Variants in METTL16 observed in about 807,000 individuals in gnomAD.
METTL16 encodes the protein RNA N(6)-adenosine-methyltransferase METTL16.
A neutral mutation model predicts 57.9 loss-of-function variants in METTL16; 19 were observed. That is an observed-to-expected ratio of 0.33 (90% CI 0.23 to 0.48). The LOEUF (loss-of-function observed/expected upper bound fraction) is 0.48. METTL16 is among the 20% of genes least tolerant of loss of function. The pLI is 0.99. For synonymous variants in METTL16, 246 were observed against 255.6 expected, an observed-to-expected ratio of 0.96 and a Z score of 0.36; for missense variants, 434 against 691.5, an observed-to-expected ratio of 0.63 and a Z score of 4.18.
At chr17:2,456,540 T>C (rs1004245172) in intron 6 of METTL16, among the ~76,000 whole-genome samples, 3 of 152,192 alleles carry the variant, frequency 2.0e-5, no homozygotes, top group African/African-American at 7.2e-5. Flanking sequence ...AATGGTGTGA[T>C]CATGGCTCAC....
At chr17:2,491,302 T>C (rs1387938524) in intron 2 of METTL16, among the ~76,000 whole-genome samples, 1 of 152,228 alleles carries the variant, frequency 6.6e-6, no homozygotes, top group Non-Finnish European at 1.5e-5. Flanking sequence ...AACAGGCTCA[T>C]GGCCGATTTC....
At chr17:2,473,304 G>C (rs1284887692) in intron 4 of METTL16, among the ~76,000 whole-genome samples, 1 of 152,096 alleles carries the variant, frequency 6.6e-6, no homozygotes, top group East Asian at 1.9e-4. Context: ...TAGGCAAATA[G>C]GCAAATTCAC....
chr17:2,509,749 C>T (rs932176108), intron 1 of METTL16, among the ~76,000 whole-genome samples: 1 of 152,050 alleles, frequency 6.6e-6, no homozygotes, highest in East Asian at 1.9e-4. Context: ...CCTATCTCTA[C>T]TAAAAATACA....
intron 6 of METTL16, among the ~76,000 whole-genome samples, chr17:2,458,558 A>G (rs1346317900): frequency 6.6e-6 from 1 of 152,084 alleles, no homozygotes; most frequent in Non-Finnish European, 1.5e-5. Flanking sequence ...ATAAAAATAC[A>G]AAAATCAGCT....
intron 7 of METTL16, among the ~76,000 whole-genome samples, chr17:2,440,994 A>AAAAAAAAAAAAAAG (rs1555616313): frequency 3.4e-5 from 4 of 118,892 alleles, no homozygotes; most frequent in African/African-American, 9.3e-5. Flanking sequence ...AAAAAAAAAA[A>AAAAAAAAAAAAAAG]AAGAAGAAGA....
chr17:2,509,669 C>T lies in METTL16; in HGVS notation c.-1+2090G>A, dbSNP rs529578395. The stretch of plus-strand genomic sequence containing the variant: ...CTTTCGGAGGCCAAGACTGGAGGAT[C>T]ACCTGAGGTCAGGAGTTTGTGAGAC... On this transcript the variant is annotated intron_variant, in intron 1 of 9. Coordinates refer to ENST00000263092, the MANE Select transcript of METTL16 (RefSeq NM_024086.4). 5.4e-4 allele frequency among the ~76,000 whole-genome samples: 83 copies of T among 152,310 alleles called. 1 individual carries two copies. Among genetic ancestry groups the T allele is most frequent in the African/African-American group, 1.8e-3 (76 of 41,560 alleles).
At chr17:2,493,620 G>A (rs553573821) in intron 2 of METTL16, among the ~76,000 whole-genome samples, 11 of 151,508 alleles carry the variant, frequency 7.3e-5, no homozygotes, top group African/African-American at 2.2e-4. Flanking sequence ...TCAGGAGACT[G>A]AGGCACATGA....
intron 1 of METTL16, among the ~76,000 whole-genome samples, chr17:2,505,412 T>C (rs1207985007): frequency 7.7e-6 from 1 of 129,520 alleles, no homozygotes; most frequent in African/African-American, 3.4e-5. Flanking sequence ...TTTTTTTTTT[T>C]TTTTTTTTTT....
At chr17:2,461,378 A>G (rs1465790896) in intron 6 of METTL16, among the ~76,000 whole-genome samples, 1 of 151,966 alleles carries the variant, frequency 6.6e-6, no homozygotes, top group Non-Finnish European at 1.5e-5. Flanking sequence ...AAAACAAAAA[A>G]CAAACAAACA....
At chr17:2,446,197 T>A (rs2066994031) in intron 6 of METTL16, among the ~76,000 whole-genome samples, 2 of 152,106 alleles carry the variant, frequency 1.3e-5, no homozygotes, top group African/African-American at 4.8e-5. Context: ...GCCAACATCA[T>A]CATGGTCAAA....
chr17:2,428,461 G>A (rs890061918), intron 8 of METTL16, among the ~76,000 whole-genome samples: 1 of 142,438 alleles, frequency 7.0e-6, no homozygotes, highest in Non-Finnish European at 1.5e-5. Flanking sequence ...CCGGGAGGCA[G>A]AGCTTGCAGT....
intron 1 of METTL16, among the ~76,000 whole-genome samples, chr17:2,504,370 TTTATG>T (rs1177793011): frequency 2.6e-5 from 4 of 152,142 alleles, no homozygotes; most frequent in African/African-American, 9.7e-5. Context: ...AATGGTAAAT[TTTATG>T]TTATGTATAT....
At position 2,477,636 on chromosome 17, in the gene METTL16, G is replaced by A. The variant is rs893703329; in HGVS notation, c.328+50C>T. ...AAAAGTTTACAAAGAATTTGATCTC[G>A]CAAAACTTATGAAAACTGTTTAGCC... is the stretch of plus-strand genomic sequence containing the variant. On this transcript the variant is annotated intron_variant, in intron 3 of 9. Transcript: ENST00000263092. The A allele has an allele frequency of 9.3e-6, 13 of 1,402,658 alleles. No individual in the cohort carries two copies. The African/African-American group carries it at 1.0e-4, about 11-fold the overall frequency. The allele number at this position is 1,402,658 out of a possible 1,614,324, so 86.9% of individuals were successfully genotyped here.
intron 2 of METTL16, among the ~76,000 whole-genome samples, chr17:2,487,415 G>A (rs566427328): frequency 2.1e-4 from 32 of 152,296 alleles, no homozygotes; most frequent in East Asian, 1.3e-3. Context: ...AGAGAGCTGC[G>A]GCGCAAGCTT....
At chr17:2,508,915 G>A (rs2067567061) in intron 1 of METTL16, among the ~76,000 whole-genome samples, 2 of 152,012 alleles carry the variant, frequency 1.3e-5, no homozygotes, top group South Asian at 4.1e-4. Context: ...CTGCATGGTA[G>A]TCTGTCTCAC....
chr17:2,429,874 G>T (rs1230258698), intron 8 of METTL16, among the ~76,000 whole-genome samples: 1 of 146,876 alleles, frequency 6.8e-6, no homozygotes, highest in Non-Finnish European at 1.5e-5. Flanking sequence ...GCAGTGGCAC[G>T]ATCTCAGCTC....
At chr17:2,454,032 A>C (rs773693872) in intron 6 of METTL16, among the ~76,000 whole-genome samples, 1 of 152,046 alleles carries the variant, frequency 6.6e-6, no homozygotes, top group African/African-American at 2.4e-5. Context: ...ATAAGTCATT[A>C]TTGTCATTAT....
intron 2 of METTL16, among the ~76,000 whole-genome samples, chr17:2,494,361 T>C (rs1169072032): frequency 2.0e-5 from 3 of 152,132 alleles, no homozygotes; most frequent in Non-Finnish European, 4.4e-5. Context: ...TAGGTATATA[T>C]ATTTAGGGGG....
At chr17:2,473,286 A>C (rs1375297532) in intron 4 of METTL16, among the ~76,000 whole-genome samples, 3 of 152,364 alleles carry the variant, frequency 2.0e-5, no homozygotes, top group East Asian at 3.9e-4. Context: ...TGGATAAATA[A>C]ATAAATTTAG....
Sources: allele counts gnomAD v4.1 joint callset (sites outside exome capture counted in the v4.1 genomes callset), GRCh38; gene constraint gnomAD v4.1.1; transcripts MANE v1.5; gene names NCBI Gene and HGNC (gene_info 2026-07-23, HGNC 2026-07-21).